TACC2: variants seen among roughly 807,000 people sequenced by gnomAD.
TACC2 encodes transforming acidic coiled-coil containing protein 2.
Under a neutral mutation model 227.3 loss-of-function variants are expected in TACC2, and 137 were observed. That is an observed-to-expected ratio of 0.60 (90% confidence interval 0.52 to 0.69). The LOEUF is 0.69. Ranked by LOEUF, TACC2 falls within the 30% of genes least tolerant of loss-of-function variation. The pLI is 0.00. For synonymous variants in TACC2, 1,523 were observed against 1,487.5 expected, an observed-to-expected ratio of 1.02 and a Z score of -0.55; for missense variants, 3,470 against 3,694.4, an observed-to-expected ratio of 0.94 and a Z score of 1.57.
chr10:122,127,889 CAT>C (rs1248659261), intron 5 of TACC2, among the ~76,000 whole-genome samples: 2 of 152,216 alleles, frequency 1.3e-5, no homozygotes, highest in African/African-American at 4.8e-5. Flanking sequence ...CGTCTATACA[CAT>C]ATGTGTTTAT....
chr10:122,191,932 G>T (rs2094425163), intron 7 of TACC2, among the ~76,000 whole-genome samples: 1 of 152,154 alleles, frequency 6.6e-6, no homozygotes, highest in Non-Finnish European at 1.5e-5. Flanking sequence ...TATACACTGG[G>T]CCTCCAAAGT....
intron 1 of TACC2, among the ~76,000 whole-genome samples, chr10:122,015,782 G>C (rs1006425789): frequency 2.0e-4 from 30 of 150,612 alleles, no homozygotes; most frequent in Admixed American, 5.3e-4. Context: ...AACCCGGGAG[G>C]GGGAGGTTGC....
At chr10:122,074,244 C>A (rs184804474) in intron 3 of TACC2, among the ~76,000 whole-genome samples, 9 of 151,934 alleles carry the variant, frequency 5.9e-5, no homozygotes, top group Admixed American at 3.3e-4. Flanking sequence ...ACTTGCCCAG[C>A]TAATTTTTGT....
chr10:122,072,642 T>C (rs1339841833), intron 3 of TACC2, among the ~76,000 whole-genome samples: 1 of 152,230 alleles, frequency 6.6e-6, no homozygotes, highest in African/African-American at 2.4e-5. Flanking sequence ...ATAAATTCCT[T>C]TTCCAAAGTC....
intron 22 of TACC2, 101 bp from the exon 23 acceptor site, chr10:122,253,890 C>A: frequency 1.1e-6 from 1 of 912,480 alleles, no homozygotes; most frequent in Non-Finnish European, 1.8e-6. Flanking sequence ...TAGTGGGGAC[C>A]AAGGGGCCTG....
At chr10:122,171,107 G>A (rs772569903) in intron 7 of TACC2, among the ~76,000 whole-genome samples, 18 of 152,006 alleles carry the variant, frequency 1.2e-4, no homozygotes, top group Non-Finnish European at 2.6e-4. Flanking sequence ...CTTTTAAAAA[G>A]GAAGGTGGGT....
chr10:122,009,041 C>A (rs549736106), intron 1 of TACC2, among the ~76,000 whole-genome samples: 1 of 152,252 alleles, frequency 6.6e-6, no homozygotes, highest in African/African-American at 2.4e-5. Context: ...TCTGTATTGT[C>A]CCAACTGTTT....
chr10:122,183,431 C>T (rs904033823), intron 7 of TACC2, among the ~76,000 whole-genome samples: 1 of 152,128 alleles, frequency 6.6e-6, no homozygotes, highest in African/African-American at 2.4e-5. Flanking sequence ...ACCTGACTTT[C>T]CTGCAGAGGT....
chr10:122,203,338 C>T (rs1327636421), intron 8 of TACC2, among the ~76,000 whole-genome samples: 1 of 137,908 alleles, frequency 7.3e-6, no homozygotes, highest in Non-Finnish European at 1.5e-5. Flanking sequence ...CCCTCACTTC[C>T]CGGATGGGGC....
intron 7 of TACC2, among the ~76,000 whole-genome samples, chr10:122,191,264 C>T (rs2094401737): frequency 6.6e-6 from 1 of 152,184 alleles, no homozygotes; most frequent in Non-Finnish European, 1.5e-5. Flanking sequence ...TACAAGTGTG[C>T]ACCACGATAC....
intron 7 of TACC2, among the ~76,000 whole-genome samples, chr10:122,149,085 TAAG>T (rs980299750): frequency 6.6e-6 from 1 of 152,150 alleles, no homozygotes; most frequent in Non-Finnish European, 1.5e-5. Context: ...GGTCTGATAA[TAAG>T]AATTTCCAGG....
chr10:122,024,663 T>C (rs1247087633), intron 2 of TACC2, among the ~76,000 whole-genome samples: 1 of 152,226 alleles, frequency 6.6e-6, no homozygotes, highest in Non-Finnish European at 1.5e-5. Context: ...ACACAGTAAG[T>C]GATCTTTAAG....
chr10:122,019,918 T>G (rs1312442749), intron 1 of TACC2: 1 of 152,240 alleles, frequency 6.6e-6, no homozygotes, highest in African/African-American at 2.4e-5. Context: ...CCTTCGGTTC[T>G]GTCTTGGGAA....
At chr10:122,128,917 A>G (rs1051278181) in intron 5 of TACC2, among the ~76,000 whole-genome samples, 1 of 151,540 alleles carries the variant, frequency 6.6e-6, no homozygotes, top group African/African-American at 2.4e-5. Flanking sequence ...GTGTATGTCT[A>G]TACATAGACT....
At chr10:122,217,425 T>C (rs905762588) in intron 11 of TACC2, among the ~76,000 whole-genome samples, 11 of 148,208 alleles carry the variant, frequency 7.4e-5, no homozygotes, top group African/African-American at 2.5e-4. Context: ...TTTTTCTTTT[T>C]CTTTCTTTTT....
rs911696067 is a variant in TACC2, at chr10:122,045,982, C to T, written c.34-4456C>T. On this transcript the variant is annotated intron_variant, in intron 2 of 22. Coordinates refer to ENST00000369005, the MANE Select transcript of TACC2 (RefSeq NM_206862.4). ...GAGTCAGGAGATCGAGACCAGCCTG[C>T]CAACATGGTGAGACCCCCATCTCTA... Among the ~76,000 whole-genome samples the T allele has an allele frequency of 1.1e-3, 145 of 135,394 alleles. 3 individuals are homozygous for T. The highest frequency in any genetic ancestry group is 1.4e-4 in the Non-Finnish European group (9 of 62,778). 88.8% of individuals were successfully genotyped at this position (135,394 alleles called of 152,430 possible).
rs538409152 is a variant in TACC2, at chr10:122,182,326, C to T, written c.5835-12714C>T. ...CTCTGAATCAGGCAAAGCTTCAGGC[C>T]TCTGAAGGCCTCATTCAGGAGCATG... is the stretch of plus-strand genomic sequence containing the variant. On this transcript the variant is annotated intron_variant, in intron 7 of 22. Coordinates refer to ENST00000369005, the MANE Select transcript of TACC2 (RefSeq NM_206862.4). 4.6e-5 allele frequency among the ~76,000 whole-genome samples: 7 copies of T among 152,326 alleles called. No homozygotes were observed. In the South Asian group the frequency reaches 1.5e-3, roughly 32 times the overall value.
chr10:122,102,197 TAA>T (rs943417541), intron 5 of TACC2, among the ~76,000 whole-genome samples: 1 of 151,970 alleles, frequency 6.6e-6, no homozygotes, highest in Non-Finnish European at 1.5e-5. Flanking sequence ...CCACAGAGCT[TAA>T]AAAAAATATT....
chr10:122,172,598 AACTTT>A (rs1055136868), intron 7 of TACC2, among the ~76,000 whole-genome samples: 1 of 152,174 alleles, frequency 6.6e-6, no homozygotes, highest in African/African-American at 2.4e-5. Context: ...TGGCTTTATT[AACTTT>A]ACTTTAGGGA....
Sources: gnomAD v4.1 joint callset for allele counts (sites outside exome capture counted in the v4.1 genomes callset) on GRCh38, gnomAD v4.1.1 for gene constraint, MANE v1.5 for transcripts, NCBI Gene and HGNC (gene_info 2026-07-23, HGNC 2026-07-21) for gene names.